The following GLRA1 variants were observed in gnomAD, a reference collection of about 807,000 sequenced individuals.
GLRA1 encodes glycine receptor subunit alpha-1.
In GLRA1, 37 loss-of-function variants were observed where a neutral mutation model predicts 48.3. The ratio of observed to expected loss-of-function variants is 0.77; its 90% confidence interval spans 0.59 to 1.01. GLRA1 has a LOEUF of 1.01. Among genes scored for constraint, GLRA1 ranks in the 50% least tolerant of loss-of-function variants. GLRA1 has a pLI of 0.00. For synonymous variants in GLRA1, 196 were observed against 210.7 expected, an observed-to-expected ratio of 0.93 and a Z score of 0.60; for missense variants, 427 against 571.0, an observed-to-expected ratio of 0.75 and a Z score of 2.57.
At position 151,851,403 on chromosome 5, in the gene GLRA1, G is replaced by C. The variant is rs2113343293; in HGVS notation, c.899C>G (p.Ala300Gly). The change falls in exon 7 of 9, where the codon GCA becomes GGA. Residue 300 changes from alanine (A) to glycine (G), a missense_variant. By Grantham distance (60) the Ala-to-Gly change is moderately conservative. Coordinates refer to ENST00000274576, the MANE Select transcript of GLRA1 (RefSeq NM_000171.4). Reference protein sequence around the residue: ...TMTTQSSGSRASLPKVSYVKA... With the variant: ...TMTTQSSGSRGSLPKVSYVKA... The stretch of plus-strand genomic sequence containing the variant: ...AATGGGACTTACCTTGGGCAGAGAT[G>C]CTCGAGAGCCGGAGCTCTGGGTGGT... 6.2e-7 allele frequency: 1 copy of C among 1,612,238 alleles called. No individual in the cohort carries two copies. The highest frequency in any genetic ancestry group is 1.3e-5 in the African/African-American group (1 of 74,998).
At chr5:151,917,601 G>A (rs1754770599) in intron 1 of GLRA1, among the ~76,000 whole-genome samples, 1 of 151,998 alleles carries the variant, frequency 6.6e-6, no homozygotes, top group South Asian at 2.1e-4. Context: ...TTATATATTT[G>A]TTATTATTAT....
chr5:151,895,612 GGT>G (rs1210697620), intron 1 of GLRA1, among the ~76,000 whole-genome samples: 4 of 142,010 alleles, frequency 2.8e-5, no homozygotes, highest in East Asian at 4.1e-4. Flanking sequence ...CTTGCAGCAT[GGT>G]GTGTGTGTGT....
Position 151,893,266 on chromosome 5 carries a change from G to A in GLRA1, c.57-828C>T, listed in dbSNP as rs111377041. On this transcript the variant is annotated intron_variant, in intron 1 of 8. Transcript: ENST00000274576. ...TGAATTACTCATGTATTAAGAACATGACCCTCCCTCTGCCCAACTTTCTTT... is the reference window on the plus strand; with the variant it reads ...TGAATTACTCATGTATTAAGAACATAACCCTCCCTCTGCCCAACTTTCTTT... 8.7e-3 allele frequency among the ~76,000 whole-genome samples: 1,325 copies of A among 151,604 alleles called. 35 individuals carry two copies. The highest frequency in any genetic ancestry group is 0.03 in the African/African-American group (1,221 of 41,300).
chr5:151,842,287 A>C (rs1763730575), intron 7 of GLRA1, among the ~76,000 whole-genome samples: 1 of 151,942 alleles, frequency 6.6e-6, no homozygotes, highest in South Asian at 2.1e-4. Context: ...CCTGATAACA[A>C]CACCAAAGAC....
chr5:151,828,903 A>G lies in GLRA1; in HGVS notation c.1059+18T>C, dbSNP rs763830285. 6.2e-7 allele frequency: 1 copy of G among 1,611,638 alleles called. No homozygotes were observed. The highest frequency in any genetic ancestry group is 1.7e-5 in the Admixed American group (1 of 59,920). On this transcript the variant is annotated intron_variant, in intron 8 of 8. Transcript: ENST00000274576. ...TACTAACAGCTGTCCCTCCTTAGGC[A>G]GTGACCCAAAGGCCTACCTTGTGAT... is the stretch of plus-strand genomic sequence containing the variant.
At chr5:151,885,714 A>G (rs73794389) in intron 3 of GLRA1, among the ~76,000 whole-genome samples, 3,802 of 152,234 alleles carry the variant, frequency 0.025, 179 homozygotes, top group African/African-American at 0.086. Flanking sequence ...GAGGGAGGAA[A>G]TGAAGCAGGG....
intron 3 of GLRA1, among the ~76,000 whole-genome samples, chr5:151,871,940 G>A (rs1054459912): frequency 1.3e-5 from 2 of 149,616 alleles, no homozygotes. Context: ...AAAGCGTTAA[G>A]AAAAACTTGT....
rs539241065 is a variant in GLRA1, at chr5:151,887,970, T to C, written c.185-1182A>G. On this transcript the variant is annotated intron_variant, in intron 2 of 8. Coordinates refer to ENST00000274576, the MANE Select transcript of GLRA1 (RefSeq NM_000171.4). ...ATGGTCACAGCCCTTCACATAAAGATTGTAATTTGCAATTTGTGATTTGCT... is the reference window on the plus strand; with the variant it reads ...ATGGTCACAGCCCTTCACATAAAGACTGTAATTTGCAATTTGTGATTTGCT... 7.2e-5 allele frequency among the ~76,000 whole-genome samples: 11 copies of C among 152,322 alleles called. No individual in the cohort carries two copies. In the South Asian group the frequency reaches 1.2e-3, roughly 17 times the overall value.
chr5:151,856,059 A>G (rs1561558374), intron 5 of GLRA1, among the ~76,000 whole-genome samples: 1 of 152,350 alleles, frequency 6.6e-6, no homozygotes, highest in Middle Eastern at 3.4e-3. Context: ...TACCATAGAC[A>G]TGGAACAATG....
intron 3 of GLRA1, among the ~76,000 whole-genome samples, chr5:151,860,408 CT>C (rs1481726418): frequency 2.6e-5 from 4 of 152,100 alleles, no homozygotes; most frequent in Admixed American, 2.6e-4. Context: ...TGAAGTCCCC[CT>C]TTTACCCTCA....
In GLRA1 at chr5:151,851,338, G is replaced by A. The variant is rs545763232; in HGVS notation, c.912+52C>T. ...TGTTTTAGGCAGAGCAAGGAAGTAGGTGCTGTCCTTATTTGTCCAGGTGTT... is the reference window on the plus strand; with the variant it reads ...TGTTTTAGGCAGAGCAAGGAAGTAGATGCTGTCCTTATTTGTCCAGGTGTT... On this transcript the variant is annotated intron_variant, in intron 7 of 8. Transcript: ENST00000274576. 8.5e-6 allele frequency: 10 copies of A among 1,170,214 alleles called. No individual in the cohort carries two copies. The East Asian group carries it at 2.1e-4, about 25-fold the overall frequency. The allele number at this position is 1,170,214 out of a possible 1,614,324, so 72.5% of individuals were successfully genotyped here.
intron 1 of GLRA1, among the ~76,000 whole-genome samples, chr5:151,894,570 C>T (rs961344521): frequency 6.6e-6 from 1 of 152,174 alleles, no homozygotes; most frequent in Admixed American, 6.5e-5. Context: ...CATAAACTCA[C>T]TCACCAGGTG....
chr5:151,891,872 A>G (rs1359279052), intron 2 of GLRA1, among the ~76,000 whole-genome samples: 1 of 152,056 alleles, frequency 6.6e-6, no homozygotes, highest in Non-Finnish European at 1.5e-5. Flanking sequence ...GAAGCCTGAA[A>G]GCTCCGTGAA....
At chr5:151,897,619 G>A (rs562115827) in intron 1 of GLRA1, among the ~76,000 whole-genome samples, 1 of 152,098 alleles carries the variant, frequency 6.6e-6, no homozygotes, top group Non-Finnish European at 1.5e-5. Flanking sequence ...ACTATACAAA[G>A]TATTAGACTA....
rs143686823 is a variant in GLRA1, at chr5:151,868,383, C to T, written c.253-8375G>A. Among the ~76,000 whole-genome samples the T allele has an allele frequency of 9.2e-5, 14 of 152,216 alleles. No homozygotes were observed. The East Asian group carries it at 2.7e-3, about 29-fold the overall frequency. On this transcript the variant is annotated intron_variant, in intron 3 of 8. Coordinates refer to ENST00000274576, the MANE Select transcript of GLRA1 (RefSeq NM_000171.4). ...CCACATGCAAGAAACTGTGTTAAGACCTTTATGTGTGTTATTTTTTATCTT... is the reference window on the plus strand; with the variant it reads ...CCACATGCAAGAAACTGTGTTAAGATCTTTATGTGTGTTATTTTTTATCTT...
chr5:151,837,630 C>T (rs1474166740), intron 7 of GLRA1, among the ~76,000 whole-genome samples: 10 of 152,252 alleles, frequency 6.6e-5, no homozygotes, highest in Admixed American at 3.9e-4. Context: ...ACTATGCAGC[C>T]ATAAAAAGGA....
chr5:151,872,751 A>G (rs1432848870), intron 3 of GLRA1, among the ~76,000 whole-genome samples: 2 of 149,990 alleles, frequency 1.3e-5, no homozygotes, highest in Non-Finnish European at 2.9e-5. Flanking sequence ...CATACATTTA[A>G]TCTAATAATA....
At chr5:151,889,228 G>C (rs540152349) in intron 2 of GLRA1, among the ~76,000 whole-genome samples, 6 of 152,356 alleles carry the variant, frequency 3.9e-5, no homozygotes, top group African/African-American at 1.4e-4. Flanking sequence ...CAATTTAGCT[G>C]CCTTTGGCAG....
intron 8 of GLRA1, among the ~76,000 whole-genome samples, chr5:151,824,273 A>G (rs553744675): frequency 9.9e-5 from 15 of 151,946 alleles, no homozygotes; most frequent in African/African-American, 3.6e-4. Flanking sequence ...CTGGGATTAC[A>G]GGTGTGAGCC....
Sources: gnomAD v4.1 joint callset for allele counts (sites outside exome capture counted in the v4.1 genomes callset) on GRCh38, gnomAD v4.1.1 for gene constraint, MANE v1.5 for transcripts, NCBI Gene and HGNC (gene_info 2026-07-23, HGNC 2026-07-21) for gene names.